The following AOAH variants were observed in gnomAD, a reference collection of about 807,000 sequenced individuals.
AOAH encodes acyloxyacyl hydrolase, also known as acyloxyacyl hydrolase (neutrophil).
A neutral mutation model predicts 92.2 loss-of-function variants in AOAH; 64 were observed. The ratio of observed to expected loss-of-function variants is 0.69; its 90% CI spans 0.57 to 0.86. The LOEUF (loss-of-function observed/expected upper bound fraction) is 0.86. Among genes scored for constraint, AOAH ranks in the 40% least tolerant of loss-of-function variants. The pLI is 0.00. For synonymous variants in AOAH, 263 were observed against 254.5 expected, an observed-to-expected ratio of 1.03 and a Z score of -0.32; for missense variants, 656 against 694.6, an observed-to-expected ratio of 0.94 and a Z score of 0.62.
intron 1 of AOAH, among the ~76,000 whole-genome samples, chr7:36,719,648 G>A (rs1321306598): frequency 6.6e-6 from 1 of 152,086 alleles, no homozygotes; most frequent in Non-Finnish European, 1.5e-5. Flanking sequence ...AAAATGAAGA[G>A]GGCTGGACAC....
intron 11 of AOAH, among the ~76,000 whole-genome samples, chr7:36,595,899 ATAAAG>A (rs891414955): frequency 4.6e-5 from 7 of 152,252 alleles, no homozygotes; most frequent in African/African-American, 4.8e-5. Flanking sequence ...AAAATTTAAA[ATAAAG>A]TAATGTCTAA....
chr7:36,655,151 G>A (rs892775851), intron 4 of AOAH, among the ~76,000 whole-genome samples: 3 of 152,164 alleles, frequency 2.0e-5, no homozygotes, highest in Admixed American at 6.5e-5. Context: ...GGAAATCTAC[G>A]AAACTAGAAA....
chr7:36,691,568 T>C lies in AOAH; in HGVS notation c.128-4774A>G, dbSNP rs538493581. On this transcript the variant is annotated intron_variant, in intron 1 of 20. Transcript: ENST00000617537. ...GGCTACCTAAGGTGCTCTGGTATAG[T>C]AGAGAGTAGAAGAATTGGGAGGTCA... Among the ~76,000 whole-genome samples, 3 of 152,128 alleles carry C rather than the reference T, an allele frequency of 2.0e-5. No homozygotes were observed. In the South Asian group the frequency reaches 6.2e-4, roughly 32 times the overall value.
At chr7:36,710,280 A>G (rs997889024) in intron 1 of AOAH, among the ~76,000 whole-genome samples, 34 of 152,216 alleles carry the variant, frequency 2.2e-4, no homozygotes, top group African/African-American at 8.0e-4. Context: ...AGGCATATTC[A>G]GGGAACCCTT....
chr7:36,594,113 T>C (rs958870358), intron 12 of AOAH, among the ~76,000 whole-genome samples: 1 of 152,238 alleles, frequency 6.6e-6, no homozygotes, highest in South Asian at 2.1e-4. Flanking sequence ...AGGTAAACTA[T>C]GGAACTCCAC....
intron 15 of AOAH, among the ~76,000 whole-genome samples, chr7:36,541,937 A>G (rs777633540): frequency 6.6e-6 from 1 of 152,198 alleles, no homozygotes; most frequent in Non-Finnish European, 1.5e-5. Flanking sequence ...CTTTACCCTA[A>G]ATGGAATAAT....
At chr7:36,695,445 C>T (rs1797655622) in intron 1 of AOAH, among the ~76,000 whole-genome samples, 1 of 152,092 alleles carries the variant, frequency 6.6e-6, no homozygotes, top group Admixed American at 6.6e-5. Flanking sequence ...GTCTGCTAGG[C>T]GTTTTTTACA....
intron 14 of AOAH, 33 bp downstream of exon 14, chr7:36,549,406 C>G (rs768136513): frequency 8.4e-6 from 13 of 1,545,374 alleles, no homozygotes; most frequent in Non-Finnish European, 1.2e-5. Flanking sequence ...AATGAGAAAC[C>G]AAATTAAAAA....
intron 13 of AOAH, among the ~76,000 whole-genome samples, chr7:36,552,369 G>A (rs1382612126): frequency 1.3e-5 from 2 of 152,214 alleles, no homozygotes; most frequent in Non-Finnish European, 2.9e-5. Context: ...GTTCTGTGGT[G>A]TATGTGTACC....
chr7:36,618,988 T>C (rs185120785), intron 9 of AOAH, among the ~76,000 whole-genome samples: 13 of 152,242 alleles, frequency 8.5e-5, no homozygotes, highest in East Asian at 1.9e-4. Flanking sequence ...TGGGACTGAA[T>C]TGGCACAGCT....
At position 36,555,124 on chromosome 7, in the gene AOAH, T is replaced by C. The variant is rs1484412643; in HGVS notation, c.1022-5649A>G. Among the ~76,000 whole-genome samples the C allele has an allele frequency of 1.5e-4, 23 of 149,646 alleles. No individual in the cohort carries two copies. The East Asian group carries it at 4.3e-3, about 28-fold the overall frequency. On this transcript the variant is annotated intron_variant, in intron 13 of 20. Transcript: ENST00000617537. ...CAGTATGATATTGGCTGTGGGTTTGTCATAGATAGCTCTTATTATTTTGAG... is the reference window on the plus strand; with the variant it reads ...CAGTATGATATTGGCTGTGGGTTTGCCATAGATAGCTCTTATTATTTTGAG...
intron 1 of AOAH, among the ~76,000 whole-genome samples, chr7:36,720,267 A>G (rs1457071716): frequency 6.6e-6 from 1 of 151,726 alleles, no homozygotes; most frequent in Non-Finnish European, 1.5e-5. Context: ...CTTCTGCCTC[A>G]GCTCCCTGAG....
At chr7:36,637,674 G>A (rs1584002112) in intron 5 of AOAH, among the ~76,000 whole-genome samples, 177 bp downstream of exon 5, 1 of 152,280 alleles carries the variant, frequency 6.6e-6, no homozygotes, top group South Asian at 2.1e-4. Flanking sequence ...ACACTGTAGT[G>A]AGAAGGCAGG....
intron 4 of AOAH, among the ~76,000 whole-genome samples, chr7:36,648,865 A>T (rs941317907): frequency 6.6e-6 from 1 of 152,192 alleles, no homozygotes; most frequent in Non-Finnish European, 1.5e-5. Flanking sequence ...TGTGTCTAGA[A>T]GGCCTTGTCA....
intron 1 of AOAH, among the ~76,000 whole-genome samples, chr7:36,709,686 A>G (rs57764400): frequency 0.21 from 21,439 of 100,228 alleles, 1,659 homozygotes; most frequent in South Asian, 0.39. Context: ...ATTTTAAAAG[A>G]CAGATTTTTT....
chr7:36,649,458 C>G (rs775731436), intron 4 of AOAH, among the ~76,000 whole-genome samples: 12 of 152,186 alleles, frequency 7.9e-5, no homozygotes, highest in Non-Finnish European at 1.5e-4. Context: ...ACTGCATCCG[C>G]TTTTAAACAT....
intron 12 of AOAH, among the ~76,000 whole-genome samples, chr7:36,591,163 A>G (rs1040430688): frequency 3.2e-4 from 48 of 152,230 alleles, no homozygotes; most frequent in African/African-American, 1.1e-3. Flanking sequence ...AAACACAGGC[A>G]CAGTACACAG....
intron 11 of AOAH, among the ~76,000 whole-genome samples, chr7:36,610,627 CT>C (rs1293808936): frequency 6.6e-6 from 1 of 151,866 alleles, no homozygotes; most frequent in Non-Finnish European, 1.5e-5. Context: ...CAAATAATTT[CT>C]TTATTTTCAC....
intron 20 of AOAH, chr7:36,514,326 A>C: frequency 1.8e-6 from 1 of 565,284 alleles, no homozygotes; most frequent in Non-Finnish European, 3.0e-6. Flanking sequence ...GGTGCCTGGG[A>C]GTGGAGGCTG....
Sources: allele counts gnomAD v4.1 joint callset (sites outside exome capture counted in the v4.1 genomes callset), GRCh38; gene constraint gnomAD v4.1.1; transcripts MANE v1.5; gene names NCBI Gene and HGNC (gene_info 2026-07-23, HGNC 2026-07-21).